GRAMD2B: variants seen among roughly 807,000 people sequenced by gnomAD.
GRAMD2B encodes the protein GRAM domain containing 2B, also known as GRAM domain-containing protein 2B.
GRAMD2B carries 41 observed loss-of-function variants against 59.2 expected under a neutral mutation model. The ratio of observed to expected loss-of-function variants is 0.69; its 90% CI spans 0.54 to 0.90. The LOEUF (loss-of-function observed/expected upper bound fraction) is 0.90. Ranked by LOEUF, GRAMD2B falls within the 40% of genes least tolerant of loss-of-function variation. GRAMD2B has a pLI of 0.00. For synonymous variants in GRAMD2B, 161 were observed against 182.7 expected (o/e 0.88, Z 0.96); for missense variants, 424 against 500.5 (o/e 0.85, Z 1.46).
At chr5:126,433,295 A>G (rs1165849933) in intron 1 of GRAMD2B, among the ~76,000 whole-genome samples, 1 of 152,222 alleles carries the variant, frequency 6.6e-6, no homozygotes, top group East Asian at 1.9e-4. Flanking sequence ...CCAAGTCATA[A>G]CAGCTGTTAA....
At chr5:126,445,695 T>C (rs1238245142) in intron 1 of GRAMD2B, 1 of 152,234 alleles carries the variant, frequency 6.6e-6, no homozygotes, top group Non-Finnish European at 1.5e-5. Flanking sequence ...ACAGACAGGA[T>C]GCAGAGTGAC....
intron 1 of GRAMD2B, among the ~76,000 whole-genome samples, chr5:126,437,175 A>T (rs368325800): frequency 5.9e-5 from 9 of 152,318 alleles, no homozygotes; most frequent in African/African-American, 2.2e-4. Context: ...TTGAAGATAG[A>T]TTTGTTGGAG....
chr5:126,460,736 C>G (rs1440844787), intron 1 of GRAMD2B, among the ~76,000 whole-genome samples: 1 of 152,176 alleles, frequency 6.6e-6, no homozygotes, highest in Non-Finnish European at 1.5e-5. Context: ...TCTATGAGGC[C>G]CCAGATCTTG....
chr5:126,423,343 G>A, upstream of GRAMD2B: 6 of 1,313,132 alleles, frequency 4.6e-6, no homozygotes, highest in Middle Eastern at 2.8e-4. Flanking sequence ...GTTGGGGAAA[G>A]AGGCTGTCAC....
At chr5:126,389,991 T>C (rs1756585048) in intron 1 of GRAMD2B, among the ~76,000 whole-genome samples, 1 of 152,222 alleles carries the variant, frequency 6.6e-6, no homozygotes, top group Non-Finnish European at 1.5e-5. Flanking sequence ...GAAATATAAC[T>C]ATGCCAATTG....
intron 1 of GRAMD2B, among the ~76,000 whole-genome samples, chr5:126,441,744 G>A (rs908378061): frequency 1.3e-5 from 2 of 152,080 alleles, no homozygotes; most frequent in Admixed American, 6.5e-5. Flanking sequence ...AATAAGCAGA[G>A]CTCCCCCAAT....
At chr5:126,486,080 A>G (rs868743993) in intron 11 of GRAMD2B, among the ~76,000 whole-genome samples, 1 of 152,118 alleles carries the variant, frequency 6.6e-6, no homozygotes, top group Non-Finnish European at 1.5e-5. Flanking sequence ...TTTAATTGAC[A>G]TATAATCATT....
chr5:126,494,062 G>A lies in GRAMD2B; in HGVS notation c.*1106G>A, dbSNP rs868485301. ...TATTTAATCAGATAAGCTAATAAGC[G>A]AATTGGTTACATCGTTTGTATCTGT... On this transcript the variant is annotated 3_prime_UTR_variant, in exon 14 of 14. Coordinates refer to ENST00000285689, the MANE Select transcript of GRAMD2B (RefSeq NM_023927.4). 3.9e-5 allele frequency: 6 copies of A among 152,580 alleles called. No homozygotes were observed. Among genetic ancestry groups the A allele is most frequent in the African/African-American group, 9.7e-5 (4 of 41,438 alleles). The allele number at this position is 152,580 out of a possible 1,614,324, so 9.5% of individuals were successfully genotyped here. A position where few individuals can be genotyped will look rare whatever the true frequency, so the allele number is the denominator to read the frequency against.
intron 5 of GRAMD2B, among the ~76,000 whole-genome samples, chr5:126,473,974 G>C (rs1387173929): frequency 6.6e-6 from 1 of 152,152 alleles, no homozygotes; most frequent in Non-Finnish European, 1.5e-5. Flanking sequence ...TGGGGGAGCA[G>C]AGACACATGA....
At chr5:126,395,382 G>A (rs1196618688) in intron 1 of GRAMD2B, among the ~76,000 whole-genome samples, 3 of 152,056 alleles carry the variant, frequency 2.0e-5, no homozygotes, top group Non-Finnish European at 2.9e-5. Context: ...GAAGTCCCCG[G>A]CTGGTTTGGA....
chr5:126,372,928 CAAAT>C (rs1307924335), intron 1 of GRAMD2B, among the ~76,000 whole-genome samples: 1 of 151,798 alleles, frequency 6.6e-6, no homozygotes, highest in African/African-American at 2.4e-5. Flanking sequence ...TATCAACAAA[CAAAT>C]AAATATTAAA....
intron 2 of GRAMD2B, among the ~76,000 whole-genome samples, chr5:126,465,896 C>T (rs1028312873): frequency 6.6e-6 from 1 of 152,028 alleles, no homozygotes; most frequent in Non-Finnish European, 1.5e-5. Flanking sequence ...TTCCTAGGGG[C>T]CGTGAAAAAA....
intron 5 of GRAMD2B, among the ~76,000 whole-genome samples, 177 bp from the exon 6 acceptor site, chr5:126,477,514 GA>G (rs1164464466): frequency 6.6e-6 from 1 of 152,100 alleles, no homozygotes; most frequent in Non-Finnish European, 1.5e-5. Flanking sequence ...CCACTTTGAG[GA>G]GCTCAGTGAT....
chr5:126,408,505 T>C (rs879686943), intron 1 of GRAMD2B, among the ~76,000 whole-genome samples: 160 of 152,008 alleles, frequency 1.1e-3, no homozygotes, highest in Non-Finnish European at 2.0e-3. Flanking sequence ...GTTCTGTTTT[T>C]TTTTTGTTTG....
At chr5:126,425,892 C>T (rs1760535228) in intron 1 of GRAMD2B, among the ~76,000 whole-genome samples, 1 of 152,046 alleles carries the variant, frequency 6.6e-6, no homozygotes, top group South Asian at 2.1e-4. Flanking sequence ...GGGAGTTGAT[C>T]AGAGGGTACG....
intron 1 of GRAMD2B, among the ~76,000 whole-genome samples, chr5:126,450,237 C>T (rs1040282803): frequency 1.3e-4 from 20 of 151,962 alleles, no homozygotes; most frequent in African/African-American, 4.4e-4. Context: ...GAGAGGGGTG[C>T]CTCAAAACAA....
At chr5:126,417,427 C>A (rs1263432088) in intron 1 of GRAMD2B, among the ~76,000 whole-genome samples, 1 of 152,232 alleles carries the variant, frequency 6.6e-6, no homozygotes, top group Non-Finnish European at 1.5e-5. Flanking sequence ...GCTCAGCTAG[C>A]CTTCAGCTCT....
intron 2 of GRAMD2B, among the ~76,000 whole-genome samples, chr5:126,466,986 C>G (rs56033807): frequency 0.021 from 3,198 of 152,256 alleles, 118 homozygotes; most frequent in African/African-American, 0.074. Context: ...TCCAGAAATG[C>G]TTAATAATTT....
At chr5:126,392,759 ACTGTTCCAC>A (rs1427305291) in intron 1 of GRAMD2B, among the ~76,000 whole-genome samples, 3 of 151,966 alleles carry the variant, frequency 2.0e-5, no homozygotes, top group Non-Finnish European at 4.4e-5. Context: ...TCATGATAAA[ACTGTTCCAC>A]CTCAGATCAT....
Sources: allele counts gnomAD v4.1 joint callset (sites outside exome capture counted in the v4.1 genomes callset), GRCh38; gene constraint gnomAD v4.1.1; transcripts MANE v1.5; gene names NCBI Gene and HGNC (gene_info 2026-07-23, HGNC 2026-07-21).